NOX4: variants seen among roughly 807,000 people sequenced by gnomAD.
NOX4 encodes the protein NADPH oxidase 4, also known as kidney oxidase-1.
A neutral mutation model predicts 87.6 loss-of-function variants in NOX4; 69 were observed. The observed-to-expected ratio is 0.79, with a 90% CI of 0.65 to 0.96. NOX4 has a LOEUF of 0.96. Ranked by LOEUF, NOX4 falls within the 40% of genes least tolerant of loss-of-function variation. NOX4 has a pLI of 0.00. For synonymous variants in NOX4, 275 were observed against 238.2 expected (o/e 1.15, Z -1.42); for missense variants, 680 against 681.5 (o/e 1.00, Z 0.02).
chr11:89,534,078 TCTC>T, the NOX4 span: 7 of 152,198 alleles, frequency 4.6e-5, no homozygotes, highest in African/African-American at 1.7e-4. Context: ...TTTTAATCCT[TCTC>T]CTTATTCTCC....
At chr11:89,560,992 C>CTATA in the NOX4 span, among the ~76,000 whole-genome samples, 125 of 68,154 alleles carry the variant, frequency 1.8e-3, no homozygotes, top group Middle Eastern at 7.7e-3. Flanking sequence ...CTCTCTCTCT[C>CTATA]TCTCTATATA....
At chr11:89,479,545 T>A (rs1464947734) in intron 2 of NOX4, among the ~76,000 whole-genome samples, 1 of 152,190 alleles carries the variant, frequency 6.6e-6, no homozygotes, top group Non-Finnish European at 1.5e-5. Flanking sequence ...TCATCTCTTC[T>A]TCCCTTAAAA....
intron 2 of NOX4, among the ~76,000 whole-genome samples, chr11:89,471,991 C>T (rs1945964313): frequency 6.6e-6 from 1 of 152,164 alleles, no homozygotes; most frequent in Non-Finnish European, 1.5e-5. Flanking sequence ...ATCTTCCCAC[C>T]TTGGCCTCCC....
the NOX4 span, among the ~76,000 whole-genome samples, chr11:89,555,929 T>A: frequency 6.6e-6 from 1 of 152,186 alleles, no homozygotes. Flanking sequence ...AACAAAAGAA[T>A]GTTTAAACAA....
At chr11:89,494,348 C>CT (rs1398166433), upstream of NOX4, among the ~76,000 whole-genome samples, 1 of 152,100 alleles carries the variant, frequency 6.6e-6, no homozygotes, top group Non-Finnish European at 1.5e-5. Context: ...AACACAGAAA[C>CT]TTTTTTGTAG....
At chr11:89,571,565 G>T in the NOX4 span, among the ~76,000 whole-genome samples, 2 of 152,018 alleles carry the variant, frequency 1.3e-5, no homozygotes, top group African/African-American at 2.4e-5. Context: ...AAAGTGCTGG[G>T]ATTACAGGCG....
chr11:89,494,496 G>A (rs1946926262), upstream of NOX4, among the ~76,000 whole-genome samples: 1 of 152,052 alleles, frequency 6.6e-6, no homozygotes, highest in Non-Finnish European at 1.5e-5. Context: ...ACTTCTTAAG[G>A]ACAAAAATCC....
the NOX4 span, among the ~76,000 whole-genome samples, chr11:89,506,527 A>G: frequency 6.6e-6 from 1 of 151,752 alleles, no homozygotes; most frequent in African/African-American, 2.4e-5. Context: ...TGAATTAGTC[A>G]AAAAATTCTA....
chr11:89,436,309 C>G (rs1944079911), intron 6 of NOX4, among the ~76,000 whole-genome samples: 3 of 152,154 alleles, frequency 2.0e-5, no homozygotes, highest in Non-Finnish European at 4.4e-5. Context: ...CCTTGGTTGA[C>G]AGCTCAGCTA....
rs114006777 is a variant in NOX4, at chr11:89,448,685, C to T, written c.349+755G>A. On this transcript the variant is annotated intron_variant, in intron 4 of 17. Coordinates refer to ENST00000263317, the MANE Select transcript of NOX4 (RefSeq NM_016931.5). The stretch of plus-strand genomic sequence containing the variant: ...TTGCTTGAGCTCAGAAGTTCGAGAT[C>T]AGCCTGGGCAACATGGTGAAAGCCC... 6.1e-3 allele frequency among the ~76,000 whole-genome samples: 922 copies of T among 152,084 alleles called. 9 individuals are homozygous for T. The highest frequency in any genetic ancestry group is 0.021 in the African/African-American group (864 of 41,478).
chr11:89,382,466 C>T (rs2135100064), intron 11 of NOX4, among the ~76,000 whole-genome samples: 1 of 152,216 alleles, frequency 6.6e-6, no homozygotes, highest in African/African-American at 2.4e-5. Context: ...TGCCTGACAT[C>T]CAGGCATTCT....
chr11:89,410,143 G>A (rs1502272), intron 8 of NOX4, among the ~76,000 whole-genome samples: 4 of 151,942 alleles, frequency 2.6e-5, no homozygotes, highest in East Asian at 1.9e-4. Context: ...TAAAGACCCC[G>A]AACAAAAATG....
chr11:89,430,899 C>A (rs1055706101), intron 7 of NOX4, among the ~76,000 whole-genome samples: 2 of 152,158 alleles, frequency 1.3e-5, no homozygotes, highest in African/African-American at 4.8e-5. Flanking sequence ...ATTGCCAAGA[C>A]AATCCTAAGC....
the NOX4 span, among the ~76,000 whole-genome samples, chr11:89,563,419 C>A: frequency 6.6e-6 from 1 of 152,094 alleles, no homozygotes; most frequent in Admixed American, 6.6e-5. Flanking sequence ...CATTCCGAAC[C>A]TGGGAAGTGG....
rs1487086834 is a variant in NOX4 at position 89,436,250 on chromosome 11, G to A, written c.476-3394C>T. On this transcript the variant is annotated intron_variant, in intron 6 of 17. Coordinates refer to ENST00000263317, the MANE Select transcript of NOX4 (RefSeq NM_016931.5). The stretch of plus-strand genomic sequence containing the variant: ...CACGGCATTAAGTGCTGTAAAGAGA[G>A]CTAAGCACTGAGTGCTTTCAGGGCA... Among the ~76,000 whole-genome samples the A allele has an allele frequency of 1.3e-5, 2 of 152,150 alleles. 1 individual carries two copies. The highest frequency in any genetic ancestry group is 1.3e-4 in the Admixed American group (2 of 15,252).
the NOX4 span, among the ~76,000 whole-genome samples, chr11:89,550,264 C>A: frequency 2.0e-5 from 3 of 151,762 alleles, no homozygotes; most frequent in Non-Finnish European, 4.4e-5. Context: ...TGGCTCACTG[C>A]AACCTCTGCC....
chr11:89,413,220 C>T (rs1565256891), intron 8 of NOX4, among the ~76,000 whole-genome samples: 1 of 152,100 alleles, frequency 6.6e-6, no homozygotes, highest in Non-Finnish European at 1.5e-5. Flanking sequence ...CTCATATACA[C>T]TGTTGGTGGG....
chr11:89,504,618 A>G, the NOX4 span, among the ~76,000 whole-genome samples: 1 of 152,000 alleles, frequency 6.6e-6, no homozygotes, highest in African/African-American at 2.4e-5. Flanking sequence ...TGATGAATCA[A>G]AGATGATTCC....
At chr11:89,520,683 G>A in the NOX4 span, among the ~76,000 whole-genome samples, 7 of 152,058 alleles carry the variant, frequency 4.6e-5, no homozygotes, top group East Asian at 1.4e-3. Flanking sequence ...AACATAGGAC[G>A]GAAGTGCTAG....
Sources: gnomAD v4.1 joint callset for allele counts (sites outside exome capture counted in the v4.1 genomes callset) on GRCh38, gnomAD v4.1.1 for gene constraint, MANE v1.5 for transcripts, NCBI Gene and HGNC (gene_info 2026-07-23, HGNC 2026-07-21) for gene names.